The following REEP1 variants were observed in gnomAD, a reference collection of about 807,000 sequenced individuals.
REEP1 encodes receptor expression-enhancing protein 1.
A neutral mutation model predicts 40.3 loss-of-function variants in REEP1; 22 were observed. That is an observed-to-expected ratio of 0.55 (90% CI 0.39 to 0.78). The LOEUF is 0.78. Among genes scored for constraint, REEP1 ranks in the 30% least tolerant of loss-of-function variants. The pLI is 0.00. For synonymous variants in REEP1, 116 were observed against 139.2 expected (o/e 0.83, Z 1.17); for missense variants, 280 against 361.1 (o/e 0.78, Z 1.82).
In REEP1 at chr2:86,264,017, T is replaced by C. The variant is rs759528213; in HGVS notation, c.130A>G (p.Ile44Val). The C allele has an allele frequency of 6.2e-7, 1 of 1,613,628 alleles. No individual in the cohort carries two copies. Among genetic ancestry groups the C allele is most frequent in the East Asian group, 2.2e-5 (1 of 44,868 alleles). ...TCTGCTGTGGTGAAAAGTGCAAATA[T>C]AATCCAGTACATCATCCATTTGACC... The part of the protein sequence containing the change: ...EYVKWMMYWI[I>V]FALFTTAETF... The change falls in exon 3 of 9, where the codon ATA (isoleucine) becomes GTA (valine). Residue 44 changes from isoleucine (I) to valine (V), a missense_variant. Physicochemically the swap from Ile to Val is conservative, Grantham distance 29. This residue lies in a region of REEP1 where 68 missense variants were observed against 83.7 expected (regional missense o/e 0.81). Coordinates refer to ENST00000538924, the MANE Select transcript of REEP1 (RefSeq NM_001371279.1).
At position 86,215,023 on chromosome 2, in the gene REEP1, C is replaced by CTTTTTTTTTTTTTTTTTTT. The variant is rs11350708; in HGVS notation, c.*1997_*2015dup. 3 of 59,558 alleles carry CTTTTTTTTTTTTTTTTTTT rather than the reference C, an allele frequency of 5.0e-5. No homozygotes were observed. Among genetic ancestry groups the CTTTTTTTTTTTTTTTTTTT allele is most frequent in the African/African-American group, 6.6e-5 (1 of 15,106 alleles). The allele number at this position is 59,558 out of a possible 1,614,324, so 3.7% of individuals were successfully genotyped here. ...AAAAATTGCTAAGAAGCTGTGTAAG[C>CTTTTTTTTTTTTTTTTTTT]TTTTTTTTTTTTTTTTTTTTTTTGC... On this transcript the variant is annotated 3_prime_UTR_variant, in exon 9 of 9. Transcript: ENST00000538924.
At chr2:86,230,943 G>A (rs75977043) in intron 6 of REEP1, among the ~76,000 whole-genome samples, 1,909 of 152,300 alleles carry the variant, frequency 0.013, 44 homozygotes, top group African/African-American at 0.043. Context: ...TAGATGATGA[G>A]CTGATGCAGT....
chr2:86,225,078 T>C (rs550463704), intron 7 of REEP1, among the ~76,000 whole-genome samples: 1 of 152,314 alleles, frequency 6.6e-6, no homozygotes, highest in African/African-American at 2.4e-5. Context: ...CATGAACTAG[T>C]GTGTCCACCA....
intron 1 of REEP1, among the ~76,000 whole-genome samples, chr2:86,305,274 C>A (rs1352129496): frequency 2.0e-5 from 3 of 152,154 alleles, no homozygotes; most frequent in Non-Finnish European, 4.4e-5. Context: ...GTGAAGCAGG[C>A]TTCTGTTACT....
rs537917898 is a variant in REEP1 at position 86,284,103 on chromosome 2, G to A, written c.33-1861C>T. On this transcript the variant is annotated intron_variant, in intron 1 of 8. Coordinates refer to ENST00000538924, the MANE Select transcript of REEP1 (RefSeq NM_001371279.1). ...GGGAGGTGGCTGGGGAAGCCTGCTG[G>A]GTTTGGTCATCGCCCCCTTGGTGAG... Among the ~76,000 whole-genome samples the A allele has an allele frequency of 3.9e-5, 6 of 152,026 alleles. No individual in the cohort carries two copies. The East Asian group carries it at 1.2e-3, about 29-fold the overall frequency.
At chr2:86,246,110 C>A (rs900813252) in intron 5 of REEP1, among the ~76,000 whole-genome samples, 1 of 152,112 alleles carries the variant, frequency 6.6e-6, no homozygotes, top group Non-Finnish European at 1.5e-5. Flanking sequence ...CTACATGTGG[C>A]AAGTGGATAC....
Position 86,215,025 on chromosome 2 carries a change from T to C in REEP1, c.*2014A>G, listed in dbSNP as rs1265589110. 5.5e-5 allele frequency: 1 copy of C among 18,326 alleles called. No individual in the cohort carries two copies. The highest frequency in any genetic ancestry group is 8.9e-4 in the Admixed American group (1 of 1,124). The allele number at this position is 18,326 out of a possible 1,614,324, so 1.1% of individuals were successfully genotyped here. ...AAATTGCTAAGAAGCTGTGTAAGCT[T>C]TTTTTTTTTTTTTTTTTTTTTGCAT... is the stretch of plus-strand genomic sequence containing the variant. On this transcript the variant is annotated 3_prime_UTR_variant, in exon 9 of 9. Coordinates refer to ENST00000538924, the MANE Select transcript of REEP1 (RefSeq NM_001371279.1).
At position 86,215,155 on chromosome 2, in the gene REEP1, T is replaced by TTCTG. The variant is rs940588165; in HGVS notation, c.*1880_*1883dup. ...ACTCAATGAGCACAAAGAAAACATT[T>TTCTG]TCTGTCTTCCTTAACAGATTTAGGT... On this transcript the variant is annotated 3_prime_UTR_variant, in exon 9 of 9. Transcript: ENST00000538924. The TTCTG allele has an allele frequency of 6.6e-6, 1 of 152,098 alleles. No individual in the cohort carries two copies. The highest frequency in any genetic ancestry group is 2.4e-5 in the African/African-American group (1 of 41,406). The allele number at this position is 152,098 out of a possible 1,614,324, so 9.4% of individuals were successfully genotyped here.
chr2:86,289,132 T>C (rs1394264776), intron 1 of REEP1, among the ~76,000 whole-genome samples: 1 of 152,232 alleles, frequency 6.6e-6, no homozygotes, highest in African/African-American at 2.4e-5. Context: ...TTCTATCTTG[T>C]TGAGAAAATC....
intron 7 of REEP1, among the ~76,000 whole-genome samples, chr2:86,222,071 C>T (rs568237288): frequency 2.0e-4 from 31 of 152,138 alleles, no homozygotes; most frequent in Non-Finnish European, 4.0e-4. Flanking sequence ...GAAGGTGGCC[C>T]AAAGTCACCG....
At chr2:86,315,280 C>G (rs979185621) in intron 1 of REEP1, among the ~76,000 whole-genome samples, 1 of 152,132 alleles carries the variant, frequency 6.6e-6, no homozygotes, top group Non-Finnish European at 1.5e-5. Context: ...TGAGTGACAC[C>G]CCCAAGTCAC....
At chr2:86,317,387 G>A (rs775874543) in intron 1 of REEP1, among the ~76,000 whole-genome samples, 1 of 152,166 alleles carries the variant, frequency 6.6e-6, no homozygotes, top group Non-Finnish European at 1.5e-5. Flanking sequence ...GTTTTTTACT[G>A]TACAGAACAG....
chr2:86,320,359 C>A (rs563804941), intron 1 of REEP1, among the ~76,000 whole-genome samples: 73 of 152,252 alleles, frequency 4.8e-4, no homozygotes, highest in Non-Finnish European at 9.3e-4. Context: ...CCCTAGACAC[C>A]TAACCGAAGC....
chr2:86,299,124 G>A (rs1299463268), intron 1 of REEP1, among the ~76,000 whole-genome samples: 1 of 152,222 alleles, frequency 6.6e-6, no homozygotes, highest in Non-Finnish European at 1.5e-5. Flanking sequence ...CTAGCTGCAG[G>A]TGTCCCACCA....
Position 86,292,073 on chromosome 2 carries a change from T to C in REEP1, c.33-9831A>G, listed in dbSNP as rs79162567. On this transcript the variant is annotated intron_variant, in intron 1 of 8. Coordinates refer to ENST00000538924, the MANE Select transcript of REEP1 (RefSeq NM_001371279.1). ...AGCAACCCAGCTTTATTGTGTGTGG[T>C]AGAAAGAGGCTGGGCTTTGACTTCA... 1.0e-3 allele frequency among the ~76,000 whole-genome samples: 158 copies of C among 152,320 alleles called. 3 individuals carry two copies. The East Asian group carries it at 0.029, about 28-fold the overall frequency.
chr2:86,241,976 C>T (rs1675687929), intron 5 of REEP1, among the ~76,000 whole-genome samples: 1 of 152,188 alleles, frequency 6.6e-6, no homozygotes, highest in South Asian at 2.1e-4. Context: ...AGTCAGCCTC[C>T]TGTGCAGAAG....
chr2:86,313,368 A>C (rs1679853993), intron 1 of REEP1, among the ~76,000 whole-genome samples: 1 of 151,230 alleles, frequency 6.6e-6, no homozygotes, highest in Non-Finnish European at 1.5e-5. Flanking sequence ...TCCTTTTAAA[A>C]TGTCTTTCTG....
intron 3 of REEP1, among the ~76,000 whole-genome samples, chr2:86,260,172 T>A (rs748690405): frequency 6.6e-6 from 1 of 150,990 alleles, no homozygotes; most frequent in Non-Finnish European, 1.5e-5. Flanking sequence ...CACCTGGAGG[T>A]TGGGAGAAAA....
chr2:86,253,218 T>C (rs1405955540), intron 4 of REEP1, among the ~76,000 whole-genome samples: 3 of 151,930 alleles, frequency 2.0e-5, no homozygotes, highest in African/African-American at 4.8e-5. Context: ...GAGGCAGAGG[T>C]TGCAGTGAGC....
Sources: allele counts gnomAD v4.1 joint callset (sites outside exome capture counted in the v4.1 genomes callset), GRCh38; gene constraint gnomAD v4.1.1; regional missense constraint gnomAD v4.1.1; transcripts MANE v1.5; gene names NCBI Gene and HGNC (gene_info 2026-07-23, HGNC 2026-07-21).